KCNIP1: variants seen among roughly 807,000 people sequenced by gnomAD.
KCNIP1 encodes the protein potassium voltage-gated channel interacting protein 1.
In KCNIP1, 18 loss-of-function variants were observed where a neutral mutation model predicts 33.0. That is an observed-to-expected ratio of 0.55 (90% CI 0.38 to 0.81). The LOEUF (loss-of-function observed/expected upper bound fraction) is 0.81, where lower values mean the gene tolerates loss of function less well. Among genes scored for constraint, KCNIP1 ranks in the 30% least tolerant of loss-of-function variants. The pLI, the probability that KCNIP1 is intolerant of heterozygous loss-of-function variation, is 0.00. For synonymous variants in KCNIP1, 93 were observed against 98.3 expected, an observed-to-expected ratio of 0.95 and a Z score of 0.32; for missense variants, 238 against 271.6, an observed-to-expected ratio of 0.88 and a Z score of 0.87.
chr5:170,676,378 G>A (rs1762146868), intron 1 of KCNIP1, among the ~76,000 whole-genome samples: 1 of 152,076 alleles, frequency 6.6e-6, no homozygotes, highest in South Asian at 2.1e-4. Flanking sequence ...TCCCATTTTC[G>A]TCAGTGATGG....
chr5:170,719,954 C>G (rs1328914580), intron 2 of KCNIP1, among the ~76,000 whole-genome samples: 1 of 152,170 alleles, frequency 6.6e-6, no homozygotes, highest in Non-Finnish European at 1.5e-5. Context: ...TACCACCTAA[C>G]ATAGGTTCAT....
intron 1 of KCNIP1, among the ~76,000 whole-genome samples, chr5:170,630,599 A>C (rs35115663): frequency 0.38 from 58,201 of 152,032 alleles, 11,772 homozygotes; most frequent in East Asian, 0.49. Flanking sequence ...AACAAAGGAG[A>C]GAGAGGATCC....
intron 1 of KCNIP1, among the ~76,000 whole-genome samples, chr5:170,361,061 C>T (rs1323261448): frequency 1.3e-5 from 2 of 152,210 alleles, no homozygotes; most frequent in African/African-American, 2.4e-5. Flanking sequence ...CCTGTTCCTG[C>T]CCCCATTCCG....
At chr5:170,703,145 C>A (rs539742247) in intron 1 of KCNIP1, among the ~76,000 whole-genome samples, 2 of 137,598 alleles carry the variant, frequency 1.5e-5, no homozygotes, top group South Asian at 5.4e-4. Flanking sequence ...CCTGTCTTCT[C>A]CACATTGCTT....
chr5:170,468,095 C>T (rs747767609), intron 1 of KCNIP1, among the ~76,000 whole-genome samples: 7 of 151,984 alleles, frequency 4.6e-5, no homozygotes, highest in Non-Finnish European at 1.0e-4. Context: ...AAATGTTTAA[C>T]GGAGCAATTG....
chr5:170,466,826 T>C (rs964055833), intron 1 of KCNIP1, among the ~76,000 whole-genome samples: 9 of 152,212 alleles, frequency 5.9e-5, no homozygotes, highest in African/African-American at 2.2e-4. Flanking sequence ...CACCTCCTAG[T>C]ACCATCACCT....
intron 1 of KCNIP1, among the ~76,000 whole-genome samples, chr5:170,581,739 T>A (rs1013218673): frequency 3.3e-5 from 5 of 152,258 alleles, no homozygotes; most frequent in Admixed American, 3.3e-4. Flanking sequence ...TTAAACCCAC[T>A]GTCTATGTCT....
intron 1 of KCNIP1, among the ~76,000 whole-genome samples, chr5:170,461,183 A>G (rs1243750697): frequency 5.3e-5 from 8 of 152,256 alleles, no homozygotes; most frequent in Non-Finnish European, 1.0e-4. Flanking sequence ...ATGGAAACAC[A>G]TCCAATGCTC....
chr5:170,641,889 C>T (rs1016255510), intron 1 of KCNIP1, among the ~76,000 whole-genome samples: 1 of 152,158 alleles, frequency 6.6e-6, no homozygotes, highest in African/African-American at 2.4e-5. Flanking sequence ...GCTCAGAAGG[C>T]CCTCGTCCTC....
intron 1 of KCNIP1, among the ~76,000 whole-genome samples, chr5:170,475,972 CT>C (rs35510680): frequency 0.028 from 4,007 of 142,906 alleles, 104 homozygotes; most frequent in African/African-American, 0.072. Flanking sequence ...TTGGTTTAAA[CT>C]TTTTTTTTTT....
intron 1 of KCNIP1, among the ~76,000 whole-genome samples, chr5:170,674,431 G>T (rs745646210): frequency 1.3e-5 from 2 of 152,102 alleles, no homozygotes; most frequent in East Asian, 1.9e-4. Flanking sequence ...AATGATTGGC[G>T]CTGACAATCC....
chr5:170,512,240 A>G (rs1755889808), intron 1 of KCNIP1, among the ~76,000 whole-genome samples: 1 of 152,230 alleles, frequency 6.6e-6, no homozygotes. Context: ...AGTATGTTAG[A>G]ATTGCAAACG....
chr5:170,624,634 G>A (rs1182520427), intron 1 of KCNIP1, among the ~76,000 whole-genome samples: 3 of 151,046 alleles, frequency 2.0e-5, no homozygotes, highest in Admixed American at 6.6e-5. Context: ...TAAACGTTTC[G>A]CCTGCCCGTG....
intron 1 of KCNIP1, among the ~76,000 whole-genome samples, chr5:170,368,668 A>G (rs1763764803): frequency 1.3e-5 from 2 of 152,214 alleles, no homozygotes; most frequent in East Asian, 3.8e-4. Context: ...CACATCTTCA[A>G]TCATACAGTT....
chr5:170,454,570 T>C (rs1581207635), intron 1 of KCNIP1, among the ~76,000 whole-genome samples: 1 of 152,208 alleles, frequency 6.6e-6, no homozygotes, highest in African/African-American at 2.4e-5. Context: ...GAATTAAGAA[T>C]GCAGGTGAGA....
intron 1 of KCNIP1, chr5:170,378,886 C>G: frequency 6.2e-7 from 1 of 1,614,212 alleles, no homozygotes; most frequent in Non-Finnish European, 8.5e-7. Context: ...CAGTAGAAGA[C>G]CTGCTGCTCT....
intron 1 of KCNIP1, among the ~76,000 whole-genome samples, chr5:170,571,824 G>A (rs778972651): frequency 3.3e-5 from 5 of 152,174 alleles, no homozygotes; most frequent in South Asian, 2.1e-4. Context: ...ATGCAAGTGA[G>A]CAGAGCTGGC....
chr5:170,373,032 A>G (rs1436384024), intron 1 of KCNIP1, among the ~76,000 whole-genome samples: 1 of 152,148 alleles, frequency 6.6e-6, no homozygotes, highest in Non-Finnish European at 1.5e-5. Flanking sequence ...CTCAGTTTAG[A>G]GTTGTTGGCT....
At chr5:170,561,661 C>T (rs149137680) in intron 1 of KCNIP1, among the ~76,000 whole-genome samples, 15 of 152,340 alleles carry the variant, frequency 9.8e-5, no homozygotes, top group African/African-American at 3.4e-4. Context: ...GTTCCCATCT[C>T]TTCATCACAC....
Sources: allele counts gnomAD v4.1 joint callset (sites outside exome capture counted in the v4.1 genomes callset), GRCh38; gene constraint gnomAD v4.1.1; transcripts MANE v1.5; gene names NCBI Gene and HGNC (gene_info 2026-07-23, HGNC 2026-07-21).